Variants in MAPK10 observed in about 807,000 individuals in gnomAD.
The protein encoded by MAPK10 is JNK3 alpha protein kinase.
A neutral mutation model predicts 59.3 loss-of-function variants in MAPK10; 25 were observed. The observed-to-expected ratio is 0.42, with a 90% CI of 0.31 to 0.59. The LOEUF is 0.59. Among genes scored for constraint, MAPK10 ranks in the 20% least tolerant of loss-of-function variants. The probability of loss-of-function intolerance (pLI) is 0.15; values close to 1 mark genes in which losing one functional copy is unlikely to be tolerated. For missense variants in MAPK10, 351 were observed against 568.9 expected (o/e 0.62, Z 3.90); for synonymous variants, 190 against 200.5 (o/e 0.95, Z 0.44).
chr4:86,316,075 T>C (rs1378527427), intron 2 of MAPK10, among the ~76,000 whole-genome samples: 1 of 152,184 alleles, frequency 6.6e-6, no homozygotes, highest in Admixed American at 6.6e-5. Flanking sequence ...TAGAAATGCC[T>C]CTGTAACAAA....
intron 2 of MAPK10, chr4:86,300,800 AC>A (rs1407708554): frequency 2.0e-5 from 3 of 151,772 alleles, no homozygotes; most frequent in Non-Finnish European, 4.4e-5. Context: ...AAGTTCAGAC[AC>A]TGGTAGCAAA....
chr4:86,568,094 A>C (rs1177988198), intron 1 of MAPK10, among the ~76,000 whole-genome samples: 1 of 152,206 alleles, frequency 6.6e-6, no homozygotes, highest in Non-Finnish European at 1.5e-5. Context: ...TGACTTCAGC[A>C]AAGGTACAGG....
chr4:86,226,541 A>T (rs2090656614), intron 2 of MAPK10, among the ~76,000 whole-genome samples: 1 of 152,218 alleles, frequency 6.6e-6, no homozygotes, highest in African/African-American at 2.4e-5. Flanking sequence ...TAGTACAGTA[A>T]CCAGCATTAA....
At position 86,238,617 on chromosome 4, in the gene MAPK10, G is replaced by A. The variant is rs368781631; in HGVS notation, c.-6-44210C>T. 4.6e-5 allele frequency among the ~76,000 whole-genome samples: 7 copies of A among 152,274 alleles called. No homozygotes were observed. The East Asian group carries it at 1.4e-3, about 29-fold the overall frequency. On this transcript the variant is annotated intron_variant, in intron 2 of 13. Coordinates refer to ENST00000641462, the MANE Select transcript of MAPK10 (RefSeq NM_138982.4). Reference sequence around the variant, plus strand: ...TATTCTCTTTGTAGTGATTGTGAATGGGAGTTCATTCATGATTTGGCTCTC... The same window carrying A: ...TATTCTCTTTGTAGTGATTGTGAATAGGAGTTCATTCATGATTTGGCTCTC...
chr4:86,051,457 C>T (rs576868218), intron 11 of MAPK10, among the ~76,000 whole-genome samples: 2 of 152,258 alleles, frequency 1.3e-5, no homozygotes, highest in South Asian at 2.1e-4. Flanking sequence ...TCTGCCTATC[C>T]TTTTTCTGGT....
At chr4:86,114,848 T>C (rs1389489272) in intron 4 of MAPK10, among the ~76,000 whole-genome samples, 1 of 152,212 alleles carries the variant, frequency 6.6e-6, no homozygotes, top group Non-Finnish European at 1.5e-5. Context: ...GAGTTCTGTC[T>C]GAAAACCCCT....
At chr4:86,021,870 C>T (rs1307932922) in intron 13 of MAPK10, among the ~76,000 whole-genome samples, 3 of 152,242 alleles carry the variant, frequency 2.0e-5, no homozygotes, top group Non-Finnish European at 2.9e-5. Flanking sequence ...CCTCACTGCC[C>T]GGGGCCAGCA....
At chr4:86,130,772 T>C (rs778019456) in intron 4 of MAPK10, among the ~76,000 whole-genome samples, 3 of 152,074 alleles carry the variant, frequency 2.0e-5, no homozygotes, top group Non-Finnish European at 4.4e-5. Context: ...AAGAAGATGT[T>C]GGGGTTTTGA....
chr4:86,359,288 C>CTCTCTCTCTGTGTGTGTG (rs796310826), intron 1 of MAPK10, among the ~76,000 whole-genome samples: 1 of 94,606 alleles, frequency 1.1e-5, no homozygotes, highest in African/African-American at 5.3e-5. Context: ...CTCTCTCTCT[C>CTCTCTCTCTGTGTGTGTG]TGTGTGTGTG....
At chr4:86,368,826 G>T (rs551876513) in intron 1 of MAPK10, among the ~76,000 whole-genome samples, 2 of 152,008 alleles carry the variant, frequency 1.3e-5, no homozygotes, top group Non-Finnish European at 2.9e-5. Flanking sequence ...ATAACGGGGG[G>T]AGGGAAAGTC....
At chr4:86,174,090 A>T (rs2149266579) in intron 3 of MAPK10, among the ~76,000 whole-genome samples, 1 of 152,304 alleles carries the variant, frequency 6.6e-6, no homozygotes, top group South Asian at 2.1e-4. Context: ...AGAACCGGAA[A>T]TACCATTTGA....
At chr4:86,191,878 C>A (rs1048798203) in intron 3 of MAPK10, 2 of 151,988 alleles carry the variant, frequency 1.3e-5, no homozygotes, top group Non-Finnish European at 2.9e-5. Context: ...ATGGTCTTTA[C>A]AATTTGGGAT....
At chr4:86,478,139 C>T (rs1038753060) in intron 1 of MAPK10, among the ~76,000 whole-genome samples, 2 of 152,174 alleles carry the variant, frequency 1.3e-5, no homozygotes, top group Non-Finnish European at 2.9e-5. Context: ...TGGATACTTT[C>T]GACTTTGGAT....
rs368763956 is a variant in MAPK10, at chr4:86,159,478, G to C, written c.67-11C>G. The C allele has an allele frequency of 3.7e-6, 6 of 1,605,282 alleles. No homozygotes were observed. The African/African-American group carries it at 6.7e-5, about 18-fold the overall frequency. On this transcript the variant is annotated splice_polypyrimidine_tract_variant and intron_variant, in intron 3 of 13. Transcript: ENST00000641462. ...TTGTTTATCGAATCCCTGTCAAAAA[G>C]AAGAACAGCAAAAACATGAGGCAAG...
intron 4 of MAPK10, among the ~76,000 whole-genome samples, chr4:86,154,371 GA>G (rs908800696): frequency 1.7e-4 from 25 of 151,434 alleles, no homozygotes; most frequent in East Asian, 7.7e-4. Flanking sequence ...AAAGATAGGA[GA>G]AAAAAAAAGT....
intron 2 of MAPK10, among the ~76,000 whole-genome samples, chr4:86,240,368 T>C (rs1429201948): frequency 6.6e-6 from 1 of 152,236 alleles, no homozygotes; most frequent in Non-Finnish European, 1.5e-5. Context: ...CTAGGTCCAC[T>C]TGGTCTAGAG....
intron 1 of MAPK10, among the ~76,000 whole-genome samples, chr4:86,421,483 A>G (rs1746533667): frequency 6.6e-6 from 1 of 152,158 alleles, no homozygotes. Context: ...GCACACTCAC[A>G]AGTGTCTTAG....
intron 3 of MAPK10, among the ~76,000 whole-genome samples, chr4:86,174,005 G>A (rs1005778088): frequency 2.2e-5 from 3 of 139,486 alleles, no homozygotes; most frequent in Non-Finnish European, 4.7e-5. Context: ...AAATAAGAAT[G>A]CTTTTACACT....
intron 1 of MAPK10, among the ~76,000 whole-genome samples, chr4:86,543,402 G>C (rs911177486): frequency 6.6e-6 from 1 of 151,918 alleles, no homozygotes; most frequent in Non-Finnish European, 1.5e-5. Context: ...ATCCTCCCTG[G>C]CTTGTTGGGA....
Sources: gnomAD v4.1 joint callset for allele counts (sites outside exome capture counted in the v4.1 genomes callset) on GRCh38, gnomAD v4.1.1 for gene constraint, MANE v1.5 for transcripts, NCBI Gene and HGNC (gene_info 2026-07-23, HGNC 2026-07-21) for gene names.